TLN2: variants seen among roughly 807,000 people sequenced by gnomAD.
TLN2 encodes talin-2.
A neutral mutation model predicts 294.7 loss-of-function variants in TLN2; 118 were observed. The ratio of observed to expected loss-of-function variants is 0.40; its 90% CI spans 0.34 to 0.47. TLN2 has a LOEUF of 0.47. Ranked by LOEUF, TLN2 falls within the 20% of genes least tolerant of loss-of-function variation. TLN2 has a pLI of 0.84. For missense variants in TLN2, 3,083 were observed against 3,282.2 expected (o/e 0.94, Z 1.48); for synonymous variants, 1,431 against 1,304.5 (o/e 1.10, Z -2.09).
intron 43 of TLN2, among the ~76,000 whole-genome samples, chr15:62,780,722 A>C (rs1463285207): frequency 6.6e-6 from 1 of 152,206 alleles, no homozygotes; most frequent in Non-Finnish European, 1.5e-5. Flanking sequence ...GTGCTTCCTG[A>C]TGGAGAGTCT....
intron 32 of TLN2, 44 bp from the exon 33 acceptor site, chr15:62,748,307 T>C: frequency 7.1e-7 from 1 of 1,416,096 alleles, no homozygotes; most frequent in Non-Finnish European, 9.8e-7. Context: ...GGGAAATTAC[T>C]GTTGATCTTC....
intron 22 of TLN2, among the ~76,000 whole-genome samples, chr15:62,713,762 T>C (rs981646011): frequency 7.2e-5 from 11 of 152,068 alleles, no homozygotes; most frequent in African/African-American, 2.7e-4. Context: ...CTTGAGGGAC[T>C]GAGAGTTCTT....
At chr15:62,504,263 A>C (rs529881343) in intron 1 of TLN2, among the ~76,000 whole-genome samples, 1 of 152,350 alleles carries the variant, frequency 6.6e-6, no homozygotes, top group Admixed American at 6.5e-5. Context: ...CTATAGGTCC[A>C]TTGCATTCTC....
At chr15:62,442,494 G>GAA (rs71125999) in intron 1 of TLN2, among the ~76,000 whole-genome samples, 1 of 87,880 alleles carries the variant, frequency 1.1e-5, no homozygotes, top group African/African-American at 4.2e-5. Flanking sequence ...CTCTGTCTCA[G>GAA]AAAAAAAAAA....
chr15:62,472,760 C>G (rs1187408444), intron 1 of TLN2, among the ~76,000 whole-genome samples: 1 of 152,158 alleles, frequency 6.6e-6, no homozygotes, highest in Non-Finnish European at 1.5e-5. Context: ...GATCATGCCC[C>G]TATAGCCTTT....
chr15:62,771,093 C>G lies in TLN2; in HGVS notation c.5326C>G (p.Gln1776Glu). The G allele has an allele frequency of 6.2e-7, 1 of 1,613,236 alleles. No homozygotes were observed. The highest frequency in any genetic ancestry group is 8.5e-7 in the Non-Finnish European group (1 of 1,179,520). ...QTKTLAESAL[Q>E]MLYAAKEGGG... Reference sequence around the variant, plus strand: ...CAAGACTCTCGCAGAGTCTGCCTTGCAGATGTTGTATGCAGCCAAAGAAGG... The same window carrying G: ...CAAGACTCTCGCAGAGTCTGCCTTGGAGATGTTGTATGCAGCCAAAGAAGG... Residue 1776 changes from glutamine to glutamate, a missense_variant, in exon 42 of 59, where the codon CAG becomes GAG. Transcript: ENST00000636159.
chr15:62,460,526 G>A (rs1375954189), intron 1 of TLN2, among the ~76,000 whole-genome samples: 1 of 152,122 alleles, frequency 6.6e-6, no homozygotes, highest in African/African-American at 2.4e-5. Flanking sequence ...GCCTCCCAAA[G>A]TGCTGGGATT....
chr15:62,509,193 A>G (rs2039798231), intron 1 of TLN2, among the ~76,000 whole-genome samples: 2 of 152,234 alleles, frequency 1.3e-5, no homozygotes, highest in African/African-American at 4.8e-5. Context: ...CATTCTGACT[A>G]TGATGGCTTT....
intron 1 of TLN2, among the ~76,000 whole-genome samples, chr15:62,436,066 C>T (rs377470777): frequency 1.4e-3 from 213 of 152,308 alleles, no homozygotes; most frequent in African/African-American, 4.5e-3. Context: ...TTCAAACTTA[C>T]GTCACAAACA....
chr15:62,624,081 G>A (rs550316666), intron 3 of TLN2, among the ~76,000 whole-genome samples: 77 of 152,130 alleles, frequency 5.1e-4, no homozygotes, highest in Non-Finnish European at 6.8e-4. Context: ...TGCTCCAAGT[G>A]GTTTGATAAT....
At chr15:62,455,836 TC>T (rs2036444407) in intron 1 of TLN2, among the ~76,000 whole-genome samples, 1 of 152,160 alleles carries the variant, frequency 6.6e-6, no homozygotes, top group Non-Finnish European at 1.5e-5. Flanking sequence ...CAGCGTCCTG[TC>T]CTCCGAGCCA....
Position 62,645,901 on chromosome 15 carries a change from A to T in TLN2, c.-36-1374A>T, listed in dbSNP as rs75073001. Among the ~76,000 whole-genome samples, 1,184 of 152,298 alleles carry T rather than the reference A, an allele frequency of 7.8e-3. 8 individuals carry two copies. The highest frequency in any genetic ancestry group is 0.014 in the Non-Finnish European group (963 of 68,032). On this transcript the variant is annotated intron_variant, in intron 3 of 58. Coordinates refer to ENST00000636159, the MANE Select transcript of TLN2 (RefSeq NM_015059.3). ...CAGCTGGTTCTTCAGGCACAAAGAAAAAAGCGTTTGTGATACAGGTTTCTT... is the reference window on the plus strand; with the variant it reads ...CAGCTGGTTCTTCAGGCACAAAGAATAAAGCGTTTGTGATACAGGTTTCTT...
chr15:62,642,209 C>T (rs936996199), intron 3 of TLN2, among the ~76,000 whole-genome samples: 1 of 152,120 alleles, frequency 6.6e-6, no homozygotes, highest in African/African-American at 2.4e-5. Flanking sequence ...TATACCCAGT[C>T]TTTGAGTAAA....
chr15:62,454,628 G>A (rs184787628), intron 1 of TLN2, among the ~76,000 whole-genome samples: 7 of 152,126 alleles, frequency 4.6e-5, no homozygotes, highest in Admixed American at 2.0e-4. Context: ...CCATCCTTCC[G>A]TGAGTCCCCT....
Position 62,425,031 on chromosome 15 carries a change from C to T in TLN2, c.-238+34346C>T, listed in dbSNP as rs374639182. Among the ~76,000 whole-genome samples, 78 of 148,640 alleles carry T rather than the reference C, an allele frequency of 5.2e-4. No individual in the cohort carries two copies. The South Asian group carries it at 7.8e-3, about 15-fold the overall frequency. On this transcript the variant is annotated intron_variant, in intron 1 of 58. Coordinates refer to ENST00000636159, the MANE Select transcript of TLN2 (RefSeq NM_015059.3). ...GCAGTGGCCTGATCTCGGCTCACTG[C>T]AGCCTCTGCCTCCCCAGTTCAAGTG... is the stretch of plus-strand genomic sequence containing the variant.
At chr15:62,642,308 A>G (rs1458037143) in intron 3 of TLN2, among the ~76,000 whole-genome samples, 1 of 152,270 alleles carries the variant, frequency 6.6e-6, no homozygotes, top group Admixed American at 6.5e-5. Flanking sequence ...TAAAATAGAA[A>G]AAGGGATTAG....
At chr15:62,536,139 T>C (rs1486491178) in intron 1 of TLN2, among the ~76,000 whole-genome samples, 3 of 152,204 alleles carry the variant, frequency 2.0e-5, no homozygotes, top group Non-Finnish European at 4.4e-5. Flanking sequence ...TTCTTTGCCA[T>C]GTAGTTTGGA....
intron 42 of TLN2, among the ~76,000 whole-genome samples, chr15:62,773,098 A>G (rs2141055097): frequency 9.7e-6 from 1 of 103,396 alleles, no homozygotes; most frequent in South Asian, 3.0e-4. Flanking sequence ...GTTACCAGAA[A>G]GCTTACAGTG....
chr15:62,640,930 T>C (rs1291997152), intron 3 of TLN2, among the ~76,000 whole-genome samples: 2 of 152,026 alleles, frequency 1.3e-5, no homozygotes, highest in Admixed American at 1.3e-4. Flanking sequence ...GCCTCCTGGG[T>C]GGCTGGGATT....
Sources: gnomAD v4.1 joint callset for allele counts (sites outside exome capture counted in the v4.1 genomes callset) on GRCh38, gnomAD v4.1.1 for gene constraint, MANE v1.5 for transcripts, NCBI Gene and HGNC (gene_info 2026-07-23, HGNC 2026-07-21) for gene names.